Variants in CNTNAP5 observed in about 807,000 individuals in gnomAD.
CNTNAP5 encodes contactin-associated protein-like 5.
Under a neutral mutation model 150.2 loss-of-function variants are expected in CNTNAP5, and 72 were observed. That is an observed-to-expected ratio of 0.48 (90% CI 0.40 to 0.58). The LOEUF (loss-of-function observed/expected upper bound fraction) is 0.58, where lower values mean the gene tolerates loss of function less well. Ranked by LOEUF, CNTNAP5 falls within the 20% of genes least tolerant of loss-of-function variation. CNTNAP5 has a pLI of 0.00. For synonymous variants in CNTNAP5, 672 were observed against 619.8 expected (o/e 1.08, Z -1.25); for missense variants, 1,636 against 1,626.2 (o/e 1.01, Z -0.10).
At chr2:124,855,147 TAGAA>T (rs1428403270) in intron 19 of CNTNAP5, among the ~76,000 whole-genome samples, 325 of 150,544 alleles carry the variant, frequency 2.2e-3, no homozygotes, top group African/African-American at 7.4e-3. Flanking sequence ...CATATAGAAT[TAGAA>T]AGCCTTGGGC....
chr2:124,272,877 G>T (rs888897387), intron 3 of CNTNAP5, among the ~76,000 whole-genome samples: 5 of 152,182 alleles, frequency 3.3e-5, no homozygotes, highest in Non-Finnish European at 5.9e-5. Flanking sequence ...GTAAAGTAAA[G>T]AATTCAATGC....
At chr2:124,526,002 A>G (rs1694957915) in intron 9 of CNTNAP5, among the ~76,000 whole-genome samples, 1 of 152,194 alleles carries the variant, frequency 6.6e-6, no homozygotes, top group African/African-American at 2.4e-5. Context: ...AACCTCACAG[A>G]CCGAATAATT....
intron 1 of CNTNAP5, among the ~76,000 whole-genome samples, chr2:124,150,578 T>C (rs964422357): frequency 6.6e-6 from 1 of 152,198 alleles, no homozygotes; most frequent in Admixed American, 6.5e-5. Flanking sequence ...GCAGATTCAA[T>C]GTCTAGTGAG....
intron 3 of CNTNAP5, among the ~76,000 whole-genome samples, chr2:124,415,015 A>G (rs1209287049): frequency 6.6e-6 from 1 of 152,090 alleles, no homozygotes; most frequent in Non-Finnish European, 1.5e-5. Context: ...CTTCCCTCAT[A>G]CATATCAAAG....
intron 3 of CNTNAP5, among the ~76,000 whole-genome samples, chr2:124,264,795 A>G (rs551429989): frequency 2.0e-4 from 30 of 152,176 alleles, no homozygotes; most frequent in African/African-American, 6.7e-4. Flanking sequence ...GTCATTCCTG[A>G]TATTTTATTT....
chr2:124,048,587 T>C (rs1681605708), intron 1 of CNTNAP5, among the ~76,000 whole-genome samples: 1 of 152,224 alleles, frequency 6.6e-6, no homozygotes, highest in Non-Finnish European at 1.5e-5. Context: ...AAATTGTTTT[T>C]GTGCCCTGTT....
chr2:124,586,679 CAA>C (rs1465367170), intron 11 of CNTNAP5, among the ~76,000 whole-genome samples: 2 of 152,092 alleles, frequency 1.3e-5, no homozygotes, highest in Non-Finnish European at 1.5e-5. Flanking sequence ...GAGGGTGTGT[CAA>C]GAGTGAAGTA....
At chr2:124,078,427 C>A (rs570357480) in intron 1 of CNTNAP5, among the ~76,000 whole-genome samples, 1 of 152,306 alleles carries the variant, frequency 6.6e-6, no homozygotes, top group Admixed American at 6.5e-5. Context: ...AGTCTATAAA[C>A]ATATTCCTAG....
In CNTNAP5 at chr2:124,373,229, G is replaced by A. The variant is rs572883080; in HGVS notation, c.382-44214G>A. ...CTTGGAAGACATAAGAAATGATGAC[G>A]AGAACTATTATTTCTAATCTAAAAG... On this transcript the variant is annotated intron_variant, in intron 3 of 23. Transcript: ENST00000682447. Among the ~76,000 whole-genome samples the A allele has an allele frequency of 7.2e-5, 11 of 152,246 alleles. No individual in the cohort carries two copies. The East Asian group carries it at 1.4e-3, about 19-fold the overall frequency.
chr2:124,467,148 A>G (rs1004725720), intron 6 of CNTNAP5, among the ~76,000 whole-genome samples: 2 of 152,202 alleles, frequency 1.3e-5, no homozygotes, highest in Non-Finnish European at 2.9e-5. Flanking sequence ...TAAATGCAAA[A>G]GTAAAAGACT....
chr2:124,547,797 G>A (rs1195541279), intron 10 of CNTNAP5, among the ~76,000 whole-genome samples: 2 of 152,182 alleles, frequency 1.3e-5, no homozygotes, highest in African/African-American at 4.8e-5. Context: ...TGCCACGGGA[G>A]GAAGTGGGGA....
intron 3 of CNTNAP5, among the ~76,000 whole-genome samples, chr2:124,386,488 AGTT>A (rs1690929776): frequency 6.6e-6 from 1 of 152,362 alleles, no homozygotes; most frequent in East Asian, 1.9e-4. Context: ...TCTCTTCCAT[AGTT>A]GAACGGCATT....
chr2:124,100,319 C>T (rs1180852585), intron 1 of CNTNAP5, among the ~76,000 whole-genome samples: 2 of 152,178 alleles, frequency 1.3e-5, no homozygotes, highest in Non-Finnish European at 2.9e-5. Context: ...CAAGGCTCTA[C>T]CTCCAACATT....
intron 21 of CNTNAP5, among the ~76,000 whole-genome samples, chr2:124,876,154 C>T (rs1029507535): frequency 2.0e-5 from 3 of 152,034 alleles, no homozygotes; most frequent in African/African-American, 7.2e-5. Context: ...AAGAAAACCT[C>T]CCACTTTTAA....
chr2:124,667,811 A>G (rs1049742393), intron 13 of CNTNAP5, among the ~76,000 whole-genome samples: 1 of 152,198 alleles, frequency 6.6e-6, no homozygotes, highest in Admixed American at 6.5e-5. Context: ...TGTTGATGAA[A>G]GAGAAAAAGT....
intron 2 of CNTNAP5, among the ~76,000 whole-genome samples, chr2:124,223,232 A>T (rs2104742673): frequency 6.6e-6 from 1 of 152,230 alleles, no homozygotes; most frequent in Admixed American, 6.5e-5. Context: ...TCATCCCGTT[A>T]ACAAATCGCT....
intron 12 of CNTNAP5, among the ~76,000 whole-genome samples, chr2:124,623,487 G>A (rs549724097): frequency 6.6e-6 from 1 of 152,260 alleles, no homozygotes; most frequent in South Asian, 2.1e-4. Flanking sequence ...CTATATTATT[G>A]TCTAATTACT....
chr2:124,289,213 C>T (rs146785322), intron 3 of CNTNAP5, among the ~76,000 whole-genome samples: 4 of 152,202 alleles, frequency 2.6e-5, no homozygotes, highest in East Asian at 1.9e-4. Context: ...TTCTAAAGAC[C>T]GTTTCACTAA....
intron 11 of CNTNAP5, among the ~76,000 whole-genome samples, chr2:124,577,862 T>C (rs1696323971): frequency 6.6e-6 from 1 of 151,914 alleles, no homozygotes; most frequent in Admixed American, 6.6e-5. Flanking sequence ...GGAGTTGGGG[T>C]CAGAGGGATA....
Sources: gnomAD v4.1 joint callset for allele counts (sites outside exome capture counted in the v4.1 genomes callset) on GRCh38, gnomAD v4.1.1 for gene constraint, MANE v1.5 for transcripts, NCBI Gene and HGNC (gene_info 2026-07-23, HGNC 2026-07-21) for gene names.